ABCC8: variants seen among roughly 807,000 people sequenced by gnomAD.
ABCC8 encodes the protein ATP binding cassette subfamily C member 8, also known as ATP-binding cassette sub-family C member 8.
A neutral mutation model predicts 188.0 loss-of-function variants in ABCC8; 137 were observed. The ratio of observed to expected loss-of-function variants is 0.73; its 90% CI spans 0.63 to 0.84. ABCC8 has a LOEUF of 0.84. Among genes scored for constraint, ABCC8 ranks in the 40% least tolerant of loss-of-function variants. The pLI, the probability that ABCC8 is intolerant of heterozygous loss-of-function variation, is 0.00. For synonymous variants in ABCC8, 797 were observed against 846.5 expected, an observed-to-expected ratio of 0.94 and a Z score of 1.01; for missense variants, 1,750 against 2,072.7, an observed-to-expected ratio of 0.84 and a Z score of 3.02.
chr11:17,474,808 G>C (rs1591927975), intron 2 of ABCC8, 78 bp downstream of exon 2: 1 of 1,466,780 alleles, frequency 6.8e-7, no homozygotes, highest in East Asian at 2.3e-5. Flanking sequence ...GAATATAGGT[G>C]AGCTAGGATC....
chr11:17,469,375 G>A (rs894863398), intron 3 of ABCC8, among the ~76,000 whole-genome samples: 1 of 151,826 alleles, frequency 6.6e-6, no homozygotes. Flanking sequence ...TTACAGGTGT[G>A]AGCCACGGCA....
chr11:17,416,187 C>T (rs1257571590), intron 17 of ABCC8, among the ~76,000 whole-genome samples: 1 of 152,160 alleles, frequency 6.6e-6, no homozygotes, highest in South Asian at 2.1e-4. Context: ...ATTTGCAAAG[C>T]TGAGCCAACC....
chr11:17,393,066 A>G lies in ABCC8; in HGVS notation c.4671T>C (p.Leu1557=), dbSNP rs1457642939. The G allele has an allele frequency of 6.2e-7, 1 of 1,613,972 alleles. No individual in the cohort carries two copies. ...LVIVLKRGAI[L]EFDKPEKLLS... is the part of the protein sequence containing the mutation. ...GCAGCTTCTCTGGCTTATCGAACTC[A>G]AGGATGGCACCCCGCTTCAGGACGA... The change falls in exon 39 of 39, where the codon CTT becomes CTC. Residue 1557 remains leucine (L), a synonymous_variant. Coordinates refer to ENST00000389817, the MANE Select transcript of ABCC8 (RefSeq NM_000352.6).
At chr11:17,472,526 A>G (rs968479901) in intron 2 of ABCC8, among the ~76,000 whole-genome samples, 1 of 152,274 alleles carries the variant, frequency 6.6e-6, no homozygotes, top group Non-Finnish European at 1.5e-5. Flanking sequence ...ATTTCCAGAC[A>G]GCTCTGAAAA....
intron 12 of ABCC8, chr11:17,429,867 T>G (rs1240049533): frequency 6.6e-6 from 1 of 152,230 alleles, no homozygotes; most frequent in Non-Finnish European, 1.5e-5. Context: ...AGCATAATTT[T>G]GCTGAGTTAT....
At chr11:17,422,139 G>A (rs1181897198) in intron 16 of ABCC8, among the ~76,000 whole-genome samples, 1 of 152,200 alleles carries the variant, frequency 6.6e-6, no homozygotes, top group African/African-American at 2.4e-5. Flanking sequence ...TAATGGAGGG[G>A]GACTCTCAAC....
intron 35 of ABCC8, 166 bp from the exon 36 acceptor site, chr11:17,395,441 G>A (rs1953864908): frequency 1.4e-6 from 2 of 1,475,712 alleles, no homozygotes; most frequent in Non-Finnish European, 1.8e-6. Flanking sequence ...ACCCATGGGT[G>A]GGGGATCCCC....
chr11:17,460,708 G>A, intron 5 of ABCC8, 32 bp from the exon 6 acceptor site: 1 of 1,602,440 alleles, frequency 6.2e-7, no homozygotes, highest in Non-Finnish European at 8.5e-7. Context: ...AGGTCAGAGT[G>A]CCTGAGGGCT....
chr11:17,397,623 G>A (rs933176063), intron 31 of ABCC8, 61 bp downstream of exon 31: 20 of 1,570,106 alleles, frequency 1.3e-5, no homozygotes, highest in Middle Eastern at 1.7e-4. Context: ...CTCCAGTGAC[G>A]AAGGTGCTCC....
At chr11:17,408,280 C>T in intron 23 of ABCC8, 112 bp downstream of exon 23, 1 of 1,057,352 alleles carries the variant, frequency 9.5e-7, no homozygotes, top group African/African-American at 1.6e-5. Flanking sequence ...CCACATCTGC[C>T]CTTTAGGGGG....
intron 12 of ABCC8, chr11:17,429,176 C>T (rs774156387): frequency 2.1e-4 from 34 of 160,996 alleles, no homozygotes; most frequent in Non-Finnish European, 3.7e-4. Flanking sequence ...GTCCAGATTT[C>T]CCTGTGGACC....
At chr11:17,465,360 C>T (rs927958107) in intron 3 of ABCC8, 3 of 152,248 alleles carry the variant, frequency 2.0e-5, no homozygotes, top group Admixed American at 2.0e-4. Context: ...GTCTGCTTTG[C>T]TCTTCATTAC....
chr11:17,416,850 A>T, intron 17 of ABCC8, 80 bp downstream of exon 17: 7 of 1,535,296 alleles, frequency 4.6e-6, no homozygotes, highest in Non-Finnish European at 6.3e-6. Flanking sequence ...ACTCAGCATT[A>T]CCCACCCACA....
chr11:17,412,680 T>C lies in ABCC8; in HGVS notation c.2542A>G (p.Asn848Asp), dbSNP rs1307950397. 3 of 1,611,768 alleles carry C rather than the reference T, an allele frequency of 1.9e-6. No homozygotes were observed. The highest frequency in any genetic ancestry group is 2.5e-6 in the Non-Finnish European group (3 of 1,178,928). ...CTTGCACTCACCAAGAAGACAACGT[T>C]GGCGTGCTGGTAGAGGGCTCGGGCC... The part of the protein sequence containing the change: ...SVARALYQHA[N>D]VVFLDDPFSA... The change falls in exon 21 of 39, where the codon AAC (asparagine) becomes GAC (aspartate). Residue 848 changes from asparagine (N) to aspartate (D), a missense_variant. Asn to Asp is a conservative substitution (Grantham distance 23, BLOSUM62 1). Coordinates refer to ENST00000389817, the MANE Select transcript of ABCC8 (RefSeq NM_000352.6).
downstream of ABCC8, chr11:17,392,596 G>A (rs76223722): frequency 2.8e-6 from 1 of 354,650 alleles, no homozygotes; most frequent in South Asian, 2.2e-5. Flanking sequence ...CACACAGCCA[G>A]AAGGCAGCCC....
intron 6 of ABCC8, among the ~76,000 whole-genome samples, chr11:17,458,106 C>A (rs1206040988): frequency 2.0e-5 from 3 of 152,180 alleles, no homozygotes; most frequent in Non-Finnish European, 4.4e-5. Flanking sequence ...CCCAGGCAAC[C>A]ACATGATGGA....
intron 18 of ABCC8, 133 bp downstream of exon 18, chr11:17,415,171 G>A: frequency 1.6e-6 from 2 of 1,280,436 alleles, no homozygotes; most frequent in Non-Finnish European, 2.2e-6. Flanking sequence ...GGAGCACAGG[G>A]GCCCTCCCTG....
At chr11:17,394,558 G>T in intron 36 of ABCC8, 159 bp from the exon 37 acceptor site, 1 of 841,254 alleles carries the variant, frequency 1.2e-6, no homozygotes, top group Non-Finnish European at 1.4e-6. Context: ...TGGTGCACCT[G>T]ACACAACAAT....
chr11:17,394,096 C>G (rs1014105375), intron 37 of ABCC8, among the ~76,000 whole-genome samples, 170 bp downstream of exon 37: 1 of 152,108 alleles, frequency 6.6e-6, no homozygotes, highest in African/African-American at 2.4e-5. Context: ...GTAACATTCC[C>G]TAAGACTAGA....
Sources: gnomAD v4.1 joint callset for allele counts (sites outside exome capture counted in the v4.1 genomes callset) on GRCh38, gnomAD v4.1.1 for gene constraint, MANE v1.5 for transcripts, NCBI Gene and HGNC (gene_info 2026-07-23, HGNC 2026-07-21) for gene names.